The following EIF4G3 variants were observed in gnomAD, a reference collection of about 807,000 sequenced individuals.
The protein encoded by EIF4G3 is eukaryotic translation initiation factor 4 gamma 3, also known as eIF-4-gamma 3.
A neutral mutation model predicts 186.4 loss-of-function variants in EIF4G3; 34 were observed. The ratio of observed to expected loss-of-function variants is 0.18; its 90% CI spans 0.14 to 0.24. The LOEUF (loss-of-function observed/expected upper bound fraction) is 0.24. EIF4G3 is among the 10% of genes least tolerant of loss of function. The pLI is 1.00. For synonymous variants in EIF4G3, 673 were observed against 679.5 expected (o/e 0.99, Z 0.15); for missense variants, 1,536 against 1,948.5 (o/e 0.79, Z 3.99).
intron 6 of EIF4G3, among the ~76,000 whole-genome samples, chr1:20,998,039 A>G (rs1468297447): frequency 6.6e-6 from 1 of 152,066 alleles, no homozygotes; most frequent in Non-Finnish European, 1.5e-5. Context: ...GGAAATGAGA[A>G]AGCTTTTACA....
intron 12 of EIF4G3, 112 bp downstream of exon 12, chr1:20,969,362 G>C: frequency 7.8e-7 from 1 of 1,283,054 alleles, no homozygotes; most frequent in Non-Finnish European, 1.1e-6. Context: ...ATTCGAGGCT[G>C]CGAGACAACT....
At chr1:20,938,536 T>C (rs1056087856) in intron 14 of EIF4G3, among the ~76,000 whole-genome samples, 88 of 152,318 alleles carry the variant, frequency 5.8e-4, no homozygotes, top group African/African-American at 2.0e-3. Flanking sequence ...AAAAGACTCA[T>C]AGGCAAACCA....
intron 2 of EIF4G3, among the ~76,000 whole-genome samples, chr1:21,136,521 A>C (rs1175675500): frequency 2.0e-5 from 3 of 152,136 alleles, no homozygotes; most frequent in African/African-American, 2.4e-5. Flanking sequence ...CGTATCAAAA[A>C]AAAAACAAAA....
At chr1:21,049,519 T>G (rs975116710) in intron 4 of EIF4G3, among the ~76,000 whole-genome samples, 1 of 152,174 alleles carries the variant, frequency 6.6e-6, no homozygotes. Flanking sequence ...CCAAATTATA[T>G]AGGAATGATT....
rs370557595 is a variant in EIF4G3 at position 21,116,635 on chromosome 1, C to T, written c.-271-27422G>A. 3.6e-4 allele frequency among the ~76,000 whole-genome samples: 55 copies of T among 151,908 alleles called. 1 individual carries two copies. The highest frequency in any genetic ancestry group is 1.2e-3 in the African/African-American group (50 of 41,444). On this transcript the variant is annotated intron_variant, in intron 2 of 36. Coordinates refer to ENST00000602326, the MANE Select transcript of EIF4G3 (RefSeq NM_001391906.1). ...GGTGCGGATCACAGGGTCAGGAGTT[C>T]GAGACCAGCCTGACAAACATAGTGG...
At chr1:20,984,839 C>G (rs549276787) in intron 7 of EIF4G3, among the ~76,000 whole-genome samples, 1 of 152,066 alleles carries the variant, frequency 6.6e-6, no homozygotes, top group Non-Finnish European at 1.5e-5. Context: ...CCGCCCGCCT[C>G]GGCCTCCCAA....
chr1:20,910,058 C>T (rs1434865580), intron 14 of EIF4G3, among the ~76,000 whole-genome samples: 1 of 152,056 alleles, frequency 6.6e-6, no homozygotes, highest in Non-Finnish European at 1.5e-5. Flanking sequence ...GCTGGGATTA[C>T]AGGAGTGAGC....
At chr1:21,105,740 G>A (rs1325911830) in intron 2 of EIF4G3, among the ~76,000 whole-genome samples, 1 of 152,106 alleles carries the variant, frequency 6.6e-6, no homozygotes, top group African/African-American at 2.4e-5. Flanking sequence ...TGGGGTACAG[G>A]TTTTAGGTGG....
intron 4 of EIF4G3, among the ~76,000 whole-genome samples, chr1:21,047,016 C>G (rs2093930970): frequency 6.6e-6 from 1 of 152,176 alleles, no homozygotes. Flanking sequence ...TAACAACGCT[C>G]TTACAGGGCA....
intron 14 of EIF4G3, among the ~76,000 whole-genome samples, chr1:20,907,538 C>T (rs1313714754): frequency 3.4e-5 from 5 of 147,500 alleles, no homozygotes; most frequent in African/African-American, 5.0e-5. Context: ...CTATCCCTCC[C>T]CCCTCCCCCA....
intron 3 of EIF4G3, among the ~76,000 whole-genome samples, chr1:21,074,178 T>G (rs1425090603): frequency 6.6e-6 from 1 of 152,172 alleles, no homozygotes; most frequent in Non-Finnish European, 1.5e-5. Flanking sequence ...AGGGCCAGGA[T>G]AATTCTTTAT....
At chr1:21,106,738 A>C (rs1179745333) in intron 2 of EIF4G3, among the ~76,000 whole-genome samples, 1 of 152,234 alleles carries the variant, frequency 6.6e-6, no homozygotes, top group Non-Finnish European at 1.5e-5. Context: ...AAATTAAAAA[A>C]TTAAAAAAAG....
intron 2 of EIF4G3, among the ~76,000 whole-genome samples, chr1:21,129,768 C>G (rs1355098362): frequency 6.6e-6 from 1 of 151,956 alleles, no homozygotes; most frequent in African/African-American, 2.4e-5. Context: ...CATTTTGGGC[C>G]TAGGATCCCA....
intron 3 of EIF4G3, among the ~76,000 whole-genome samples, chr1:21,052,328 G>A (rs2094268825): frequency 6.6e-6 from 1 of 152,034 alleles, no homozygotes; most frequent in African/African-American, 2.4e-5. Context: ...CATGAATTAT[G>A]GGCAGTTCTG....
rs576066423 is a variant in EIF4G3 at position 21,031,532 on chromosome 1, T to C, written c.-67+19334A>G. Among the ~76,000 whole-genome samples, 140 of 152,008 alleles carry C rather than the reference T, an allele frequency of 9.2e-4. 1 individual carries two copies. The highest frequency in any genetic ancestry group is 3.1e-3 in the African/African-American group (130 of 41,426). The stretch of plus-strand genomic sequence containing the variant: ...ATAAAGAATATAAGAACACTAACAA[T>C]GTTGAAGTGGAAGGATTTCTAAGGA... On this transcript the variant is annotated intron_variant, in intron 4 of 36. Coordinates refer to ENST00000602326, the MANE Select transcript of EIF4G3 (RefSeq NM_001391906.1).
chr1:20,870,968 T>C (rs1171198899), intron 20 of EIF4G3, among the ~76,000 whole-genome samples: 2 of 152,140 alleles, frequency 1.3e-5, no homozygotes, highest in Non-Finnish European at 2.9e-5. Context: ...GATATGTACA[T>C]ATGTATCTGT....
chr1:20,815,914 G>GGAC (rs2060629564), intron 34 of EIF4G3, among the ~76,000 whole-genome samples: 3 of 84,386 alleles, frequency 3.6e-5, no homozygotes, highest in Admixed American at 1.0e-4. Context: ...CGCCCCGTCC[G>GGAC]GGAGGGAGGT....
At chr1:20,982,355 TA>T in intron 8 of EIF4G3, 32 bp downstream of exon 8, 1 of 1,491,710 alleles carries the variant, frequency 6.7e-7, no homozygotes, top group East Asian at 2.5e-5. Context: ...GACTGAGTTA[TA>T]AAGAGGCCAT....
intron 4 of EIF4G3, among the ~76,000 whole-genome samples, chr1:21,043,744 G>A (rs2093705454): frequency 6.6e-6 from 1 of 151,694 alleles, no homozygotes; most frequent in African/African-American, 2.4e-5. Context: ...AATACAAAAA[G>A]TCAGTTAGTC....
Sources: allele counts gnomAD v4.1 joint callset (sites outside exome capture counted in the v4.1 genomes callset), GRCh38; gene constraint gnomAD v4.1.1; transcripts MANE v1.5; gene names NCBI Gene and HGNC (gene_info 2026-07-23, HGNC 2026-07-21).